FRMD4A: variants seen among roughly 807,000 people sequenced by gnomAD.
FRMD4A encodes the protein FERM domain-containing protein 4A.
In FRMD4A, 29 loss-of-function variants were observed where a neutral mutation model predicts 129.1. The observed-to-expected ratio is 0.22, with a 90% CI of 0.17 to 0.31. FRMD4A has a LOEUF of 0.31. Among genes scored for constraint, FRMD4A ranks in the 10% least tolerant of loss-of-function variants. The pLI is 1.00. For synonymous variants in FRMD4A, 634 were observed against 571.6 expected (o/e 1.11, Z -1.56); for missense variants, 1,272 against 1,375.8 (o/e 0.92, Z 1.19).
intron 2 of FRMD4A, among the ~76,000 whole-genome samples, chr10:14,194,731 C>G (rs138283744): frequency 2.0e-5 from 3 of 152,232 alleles, no homozygotes; most frequent in African/African-American, 7.2e-5. Flanking sequence ...GGTTCTCTCT[C>G]TTTTATCTCC....
At chr10:14,202,140 G>A (rs1460623081) in intron 2 of FRMD4A, among the ~76,000 whole-genome samples, 2 of 147,326 alleles carry the variant, frequency 1.4e-5, no homozygotes, top group Non-Finnish European at 1.5e-5. Context: ...TCCGTCTCAA[G>A]AAAAAAAAAA....
At chr10:13,726,305 A>G (rs1261645537) in intron 12 of FRMD4A, among the ~76,000 whole-genome samples, 1 of 152,150 alleles carries the variant, frequency 6.6e-6, no homozygotes, top group East Asian at 1.9e-4. Flanking sequence ...AACAAAACAA[A>G]AAAGAAACTT....
Position 14,330,046 on chromosome 10 carries a change from C to A in FRMD4A, c.45+12G>T. The A allele has an allele frequency of 6.4e-7, 1 of 1,552,294 alleles. No individual in the cohort carries two copies. ...ACGCTGCCCGGGCCCCACCTCCTGT[C>A]TGAACACTCACCATCAGCAGGCCGA... On this transcript the variant is annotated intron_variant, in intron 2 of 24. Transcript: ENST00000357447.
At chr10:13,865,976 T>TC (rs2094362343) in intron 2 of FRMD4A, among the ~76,000 whole-genome samples, 1 of 152,068 alleles carries the variant, frequency 6.6e-6, no homozygotes. Flanking sequence ...TGCCAAAACA[T>TC]TTTTTTAGTC....
chr10:14,290,029 C>G (rs900860506), intron 2 of FRMD4A, among the ~76,000 whole-genome samples: 1 of 151,770 alleles, frequency 6.6e-6, no homozygotes, highest in Non-Finnish European at 1.5e-5. Flanking sequence ...AAATAAAATA[C>G]TAAGAAATAA....
intron 2 of FRMD4A, chr10:13,891,639 C>T (rs756995593): frequency 6.8e-5 from 67 of 985,224 alleles, no homozygotes; most frequent in Non-Finnish European, 7.7e-5. Context: ...ATTTTTTGCG[C>T]TTCCAAGGGA....
At chr10:13,928,128 C>T (rs1279249965) in intron 2 of FRMD4A, among the ~76,000 whole-genome samples, 1 of 151,738 alleles carries the variant, frequency 6.6e-6, no homozygotes, top group African/African-American at 2.4e-5. Flanking sequence ...TCAAGCAATC[C>T]TCCTACCTCA....
chr10:13,902,022 T>A (rs2094825318), intron 2 of FRMD4A, among the ~76,000 whole-genome samples: 1 of 152,160 alleles, frequency 6.6e-6, no homozygotes, highest in Non-Finnish European at 1.5e-5. Context: ...TTTTTGTATA[T>A]TTGTTTGTTT....
intron 2 of FRMD4A, among the ~76,000 whole-genome samples, chr10:14,300,443 CTTAT>C (rs546941061): frequency 1.4e-4 from 21 of 152,308 alleles, no homozygotes; most frequent in African/African-American, 4.3e-4. Flanking sequence ...CCCACTCTTA[CTTAT>C]TTGTTTCTTA....
At chr10:14,278,458 A>T (rs1255650964) in intron 2 of FRMD4A, among the ~76,000 whole-genome samples, 1 of 152,340 alleles carries the variant, frequency 6.6e-6, no homozygotes, top group East Asian at 1.9e-4. Context: ...AAAGGTCACC[A>T]TAATTTAGCA....
intron 2 of FRMD4A, among the ~76,000 whole-genome samples, chr10:14,174,534 G>GATCATTCATTCA: frequency 6.6e-6 from 1 of 150,514 alleles, no homozygotes; most frequent in African/African-American, 2.4e-5. Flanking sequence ...GCGTTTGTTC[G>GATCATTCATTCA]TTCATTCATT....
chr10:13,876,526 G>T (rs962036583), intron 2 of FRMD4A, among the ~76,000 whole-genome samples: 15 of 152,258 alleles, frequency 9.9e-5, no homozygotes, highest in Middle Eastern at 6.8e-3. Context: ...GAATTCACGT[G>T]CTCAGTAACC....
chr10:13,706,779 C>CA (rs1554854732), intron 13 of FRMD4A, among the ~76,000 whole-genome samples: 1 of 150,560 alleles, frequency 6.6e-6, no homozygotes, highest in Non-Finnish European at 1.5e-5. Flanking sequence ...CACACACACA[C>CA]GAGCCAGGGA....
intron 2 of FRMD4A, among the ~76,000 whole-genome samples, chr10:13,863,270 C>A (rs1214590505): frequency 6.6e-6 from 1 of 152,206 alleles, no homozygotes; most frequent in African/African-American, 2.4e-5. Flanking sequence ...GCTTCAGTGA[C>A]CACAGCAGAC....
intron 16 of FRMD4A, among the ~76,000 whole-genome samples, chr10:13,674,502 T>C (rs1418600601): frequency 6.6e-6 from 1 of 152,232 alleles, no homozygotes; most frequent in Non-Finnish European, 1.5e-5. Flanking sequence ...AGGGACTTTT[T>C]CTTTTGTTGA....
intron 2 of FRMD4A, among the ~76,000 whole-genome samples, chr10:13,900,616 G>C (rs867561066): frequency 2.0e-5 from 3 of 152,170 alleles, no homozygotes; most frequent in African/African-American, 7.2e-5. Flanking sequence ...TAAAAATAGG[G>C]CCGGGCATGG....
At chr10:14,093,336 TAG>T (rs2131756794) in intron 2 of FRMD4A, among the ~76,000 whole-genome samples, 1 of 152,334 alleles carries the variant, frequency 6.6e-6, no homozygotes, top group South Asian at 2.1e-4. Context: ...TTCGAAATTT[TAG>T]AGTCTTCCCA....
intron 12 of FRMD4A, among the ~76,000 whole-genome samples, chr10:13,737,050 G>T (rs535046585): frequency 6.6e-6 from 1 of 152,202 alleles, no homozygotes; most frequent in South Asian, 2.1e-4. Flanking sequence ...GAAAATATGT[G>T]CTGGATTTCC....
intron 2 of FRMD4A, among the ~76,000 whole-genome samples, chr10:13,929,992 C>CAA (rs1166779031): frequency 2.0e-5 from 3 of 151,960 alleles, no homozygotes; most frequent in African/African-American, 7.3e-5. Flanking sequence ...AAATATTAAC[C>CAA]AAAAGGATTA....
Sources: allele counts gnomAD v4.1 joint callset (sites outside exome capture counted in the v4.1 genomes callset), GRCh38; gene constraint gnomAD v4.1.1; transcripts MANE v1.5; gene names NCBI Gene and HGNC (gene_info 2026-07-23, HGNC 2026-07-21).